Variants in PDE10A observed in about 807,000 individuals in gnomAD.
PDE10A encodes cAMP and cAMP-inhibited cGMP 3',5'-cyclic phosphodiesterase 10A.
Under a neutral mutation model 97.7 loss-of-function variants are expected in PDE10A, and 39 were observed. The observed-to-expected ratio is 0.40, with a 90% CI of 0.31 to 0.52. The LOEUF is 0.52. Among genes scored for constraint, PDE10A ranks in the 20% least tolerant of loss-of-function variants. PDE10A has a pLI of 0.56. For synonymous variants in PDE10A, 371 were observed against 376.8 expected (o/e 0.98, Z 0.18); for missense variants, 731 against 1,047.8 (o/e 0.70, Z 4.17).
At chr6:165,407,991 T>A (rs1195288746) in intron 13 of PDE10A, among the ~76,000 whole-genome samples, 1 of 152,034 alleles carries the variant, frequency 6.6e-6, no homozygotes, top group African/African-American at 2.4e-5. Flanking sequence ...TAAAGGAAAA[T>A]AAAAACATAA....
intron 2 of PDE10A, among the ~76,000 whole-genome samples, chr6:165,503,280 T>C (rs370010068): frequency 6.6e-6 from 1 of 152,192 alleles, no homozygotes; most frequent in Admixed American, 6.5e-5. Flanking sequence ...TAAGAACTTC[T>C]CAACGTGACT....
chr6:165,495,041 C>T (rs1185125245), intron 2 of PDE10A, among the ~76,000 whole-genome samples: 3 of 152,170 alleles, frequency 2.0e-5, no homozygotes, highest in Admixed American at 2.0e-4. Context: ...TGAAGCAGCA[C>T]ATTCAGCCTC....
chr6:165,443,310 C>T (rs752283739), intron 5 of PDE10A, among the ~76,000 whole-genome samples: 1 of 152,084 alleles, frequency 6.6e-6, no homozygotes, highest in Non-Finnish European at 1.5e-5. Flanking sequence ...AAGTCCAGAA[C>T]CCAGTAGGAC....
chr6:165,620,816 A>G (rs1045365069), intron 1 of PDE10A, among the ~76,000 whole-genome samples: 2 of 151,910 alleles, frequency 1.3e-5, no homozygotes, highest in Admixed American at 1.3e-4. Flanking sequence ...AGGTCAGGAG[A>G]TCAAGACCAT....
At chr6:165,624,910 T>C (rs1398951200) in intron 1 of PDE10A, among the ~76,000 whole-genome samples, 4 of 152,116 alleles carry the variant, frequency 2.6e-5, no homozygotes, top group East Asian at 1.9e-4. Flanking sequence ...GGGAGACCCG[T>C]TGGTAGGGAT....
chr6:165,336,717 C>T (rs1781672974), intron 20 of PDE10A, among the ~76,000 whole-genome samples: 1 of 149,132 alleles, frequency 6.7e-6, no homozygotes, highest in Non-Finnish European at 1.5e-5. Flanking sequence ...CCACTGCAGT[C>T]CGCAGTCCGG....
chr6:165,344,157 G>A (rs1782153923), intron 18 of PDE10A, among the ~76,000 whole-genome samples: 1 of 151,904 alleles, frequency 6.6e-6, no homozygotes, highest in Non-Finnish European at 1.5e-5. Context: ...GGTGCTCCAT[G>A]TCTGACTTTA....
chr6:165,586,826 G>A lies in PDE10A; in HGVS notation c.866-43258C>T, dbSNP rs115584038. Among the ~76,000 whole-genome samples the A allele has an allele frequency of 8.7e-3, 1,319 of 152,058 alleles. 21 individuals are homozygous for A. Among genetic ancestry groups the A allele is most frequent in the African/African-American group, 0.03 (1,260 of 41,448 alleles). ...GGTTGGAAGCCAACATCTAGAACTC[G>A]GTAATGTTATCTACAGCAGTCTTTC... On this transcript the variant is annotated intron_variant, in intron 1 of 21. Transcript: ENST00000539869.
At chr6:165,481,252 ACCTTTTAAGCGT>A in intron 3 of PDE10A, among the ~76,000 whole-genome samples, 1 of 152,114 alleles carries the variant, frequency 6.6e-6, no homozygotes, top group Non-Finnish European at 1.5e-5. Context: ...ACTTCCTGGT[ACCTTTTAAGCGT>A]CCAGACCAAG....
intron 1 of PDE10A, among the ~76,000 whole-genome samples, chr6:165,979,964 A>C (rs1234220721): frequency 6.6e-6 from 1 of 152,234 alleles, no homozygotes; most frequent in Non-Finnish European, 1.5e-5. Flanking sequence ...CTCAATGTTT[A>C]TTCTACAGCA....
chr6:165,983,920 C>T lies in PDE10A; in HGVS notation c.-615+3609G>A, dbSNP rs563117740. ...CCCGGTTTCCCATTGTGAAAGCGTGCACAGCCGTGTATTCATATAGCCATA... is the reference window on the plus strand; with the variant it reads ...CCCGGTTTCCCATTGTGAAAGCGTGTACAGCCGTGTATTCATATAGCCATA... On this transcript the variant is annotated intron_variant, in intron 1 of 19. Transcript: ENST00000366882. 3.3e-5 allele frequency among the ~76,000 whole-genome samples: 5 copies of T among 152,372 alleles called. No individual in the cohort carries two copies. In the East Asian group the frequency reaches 7.7e-4, roughly 23 times the overall value.
At chr6:165,471,832 C>A (rs1200151225) in intron 3 of PDE10A, among the ~76,000 whole-genome samples, 1 of 152,130 alleles carries the variant, frequency 6.6e-6, no homozygotes, top group African/African-American at 2.4e-5. Flanking sequence ...TTGCCAATCA[C>A]CCCTGGCAAT....
chr6:165,339,497 C>A (rs771686600), intron 19 of PDE10A, 139 bp from the exon 20 acceptor site: 83 of 617,408 alleles, frequency 1.3e-4, no homozygotes, highest in African/African-American at 2.0e-4. Context: ...AAGAAAAGTA[C>A]ATCAAAATAA....
At chr6:165,713,911 G>C (rs1331860310) in intron 1 of PDE10A, among the ~76,000 whole-genome samples, 10 of 152,172 alleles carry the variant, frequency 6.6e-5, no homozygotes, top group Admixed American at 6.5e-4. Context: ...GAAGATTTTT[G>C]ATATGTCATA....
chr6:165,409,888 G>GTTTTTTT (rs58019647), intron 13 of PDE10A, among the ~76,000 whole-genome samples: 3 of 140,514 alleles, frequency 2.1e-5, no homozygotes, highest in Non-Finnish European at 3.1e-5. Flanking sequence ...CTTTTCAGAA[G>GTTTTTTT]TTTTTTTTTT....
intron 1 of PDE10A, among the ~76,000 whole-genome samples, chr6:165,827,012 T>G (rs1241007869): frequency 6.6e-6 from 1 of 151,944 alleles, no homozygotes; most frequent in Admixed American, 6.5e-5. Context: ...GCCAATAACT[T>G]GCCTGGGTGA....
chr6:165,953,590 CA>C (rs35801238), intron 1 of PDE10A, among the ~76,000 whole-genome samples: 77,939 of 147,594 alleles, frequency 0.53, 20,822 homozygotes, highest in Admixed American at 0.62. Context: ...GACTTCGTCT[CA>C]AAAAAAAAAA....
chr6:165,662,102 C>T lies in PDE10A; in HGVS notation c.710G>A (p.Gly237Asp), dbSNP rs781155808. The T allele has an allele frequency of 2.7e-6, 3 of 1,111,944 alleles. No homozygotes were observed. Among genetic ancestry groups the T allele is most frequent in the South Asian group, 7.3e-5 (2 of 27,286 alleles). The allele number at this position is 1,111,944 out of a possible 1,614,324, so 68.9% of individuals were successfully genotyped here. Residue 237 changes from glycine (G) to aspartate (D), a missense_variant, in exon 1 of 22, where the codon GGC becomes GAC. Transcript: ENST00000539869. ...CGGAGTTTGGCCGCCGCCGCCTGGG[C>T]CGGCGCCGGGGAAGCCGGGGGAGCC... The part of the protein sequence containing the change: ...RAGSPGFPGA[G>D]PGGGGQTPRR...
At position 165,420,487 on chromosome 6, in the gene PDE10A, T is replaced by G. The variant is rs537315474; in HGVS notation, c.1654-1710A>C. Among the ~76,000 whole-genome samples, 70 of 152,282 alleles carry G rather than the reference T, an allele frequency of 4.6e-4. 1 individual carries two copies. The South Asian group carries it at 0.014, about 32-fold the overall frequency. ...TGAGTCGTTGGCAAATACAGAAGAA[T>G]CACTCATCTAATTCACAAACCCATG... On this transcript the variant is annotated intron_variant, in intron 10 of 21. Coordinates refer to ENST00000539869, the MANE Select transcript of PDE10A (RefSeq NM_001385079.1).
Sources: gnomAD v4.1 joint callset for allele counts (sites outside exome capture counted in the v4.1 genomes callset) on GRCh38, gnomAD v4.1.1 for gene constraint, MANE v1.5 for transcripts, NCBI Gene and HGNC (gene_info 2026-07-23, HGNC 2026-07-21) for gene names.